BANP: variants seen among roughly 807,000 people sequenced by gnomAD.
BANP encodes protein BANP.
BANP carries 11 observed loss-of-function variants against 68.1 expected under a neutral mutation model. That is an observed-to-expected ratio of 0.16 (90% CI 0.10 to 0.27). The LOEUF (loss-of-function observed/expected upper bound fraction) is 0.27, where lower values mean the gene tolerates loss of function less well. BANP is among the 10% of genes least tolerant of loss of function. The pLI is 1.00. For synonymous variants in BANP, 329 were observed against 303.2 expected (o/e 1.09, Z -0.88); for missense variants, 504 against 722.7 (o/e 0.70, Z 3.47).
intron 6 of BANP, among the ~76,000 whole-genome samples, chr16:88,009,342 C>G (rs1342946872): frequency 6.6e-6 from 1 of 152,216 alleles, no homozygotes; most frequent in Non-Finnish European, 1.5e-5. Context: ...ATAGGAGCCG[C>G]AGGAGACAGA....
chr16:88,038,609 C>T (rs1171729945), intron 11 of BANP, among the ~76,000 whole-genome samples: 1 of 152,158 alleles, frequency 6.6e-6, no homozygotes, highest in East Asian at 1.9e-4. Context: ...ACAAACTTGC[C>T]AGCTTTCTAA....
chr16:88,068,607 CGGGTGCTGGCTGCCTCCTCCAGT>C (rs1251157723), intron 12 of BANP, among the ~76,000 whole-genome samples: 7 of 152,100 alleles, frequency 4.6e-5, no homozygotes, highest in Admixed American at 2.6e-4. Flanking sequence ...CCCACTGGTG[CGGGTGCTGGCTGCCTCCTCCAGT>C]GGGCGCCAGC....
In BANP at chr16:88,018,729, T is replaced by G; in HGVS notation, c.895+62T>G. ...GGGGAGCTGGGTCAGGACCCACATT[T>G]CAATGCTGAGGACGCTGGCATCAGT... On this transcript the variant is annotated intron_variant, in intron 7 of 13. Transcript: ENST00000682872. The surrounding 1 kb of genome is among the most constrained non-coding windows in gnomAD (Gnocchi z 7.7). The G allele has an allele frequency of 6.6e-7, 1 of 1,510,304 alleles. No individual in the cohort carries two copies. Among genetic ancestry groups the G allele is most frequent in the East Asian group, 2.5e-5 (1 of 40,410 alleles). The allele number at this position is 1,510,304 out of a possible 1,614,324, so 93.6% of individuals were successfully genotyped here.
intron 4 of BANP, among the ~76,000 whole-genome samples, chr16:87,998,748 C>T: frequency 6.7e-6 from 1 of 148,358 alleles, no homozygotes; most frequent in South Asian, 2.2e-4. Flanking sequence ...ACTTGCCTGT[C>T]TTTCCAGACA....
intron 9 of BANP, 179 bp from the exon 10 acceptor site, chr16:88,035,144 A>G (rs1038109878): frequency 3.2e-6 from 2 of 633,026 alleles, no homozygotes; most frequent in African/African-American, 1.9e-5. Flanking sequence ...GAGGGGGACT[A>G]CTGTGAACCA....
At chr16:88,076,130 C>G (rs1365932220) in intron 13 of BANP, among the ~76,000 whole-genome samples, 3 of 152,222 alleles carry the variant, frequency 2.0e-5, no homozygotes, top group African/African-American at 4.8e-5. Flanking sequence ...GAACCTGTAT[C>G]TTTGAGGGAA....
intron 12 of BANP, among the ~76,000 whole-genome samples, chr16:88,069,160 C>T (rs1307295632): frequency 4.6e-5 from 7 of 152,178 alleles, no homozygotes; most frequent in African/African-American, 7.2e-5. Flanking sequence ...TGCGGGACCT[C>T]GGGGCCTGTA....
At position 88,002,014 on chromosome 16, in the gene BANP, C is replaced by T. The variant is rs541414652; in HGVS notation, c.363-2281C>T. Among the ~76,000 whole-genome samples, 7 of 151,990 alleles carry T rather than the reference C, an allele frequency of 4.6e-5. No individual in the cohort carries two copies. Among genetic ancestry groups the T allele is most frequent in the Non-Finnish European group, 8.8e-5 (6 of 68,024 alleles). On this transcript the variant is annotated intron_variant, in intron 4 of 13. Transcript: ENST00000682872. This position sits in a 1 kb window ranked among gnomAD's most constrained non-coding sequence, Gnocchi z 4.6. ...GTTGAACAGAAGAACGTGAATATGT[C>T]ACCCACTTAGAACTAATTCTTGATA...
intron 6 of BANP, among the ~76,000 whole-genome samples, chr16:88,011,965 G>A (rs1274226139): frequency 6.6e-6 from 1 of 152,224 alleles, no homozygotes; most frequent in South Asian, 2.1e-4. Context: ...CAGAGTTGGC[G>A]TGTTTGGGAC....
intron 11 of BANP, among the ~76,000 whole-genome samples, chr16:88,050,573 A>G (rs73250888): frequency 0.02 from 3,008 of 152,344 alleles, 99 homozygotes; most frequent in African/African-American, 0.068. Flanking sequence ...CAGGAGTCTC[A>G]TCCAGACCTG....
chr16:87,980,747 C>G, intron 2 of BANP: 1 of 318,112 alleles, frequency 3.1e-6, no homozygotes, highest in Non-Finnish European at 5.8e-6. Context: ...TCAAACCAAA[C>G]AGGGCAGCCC....
chr16:88,076,810 T>C lies in BANP; in HGVS notation c.*149T>C, dbSNP rs2091697599. On this transcript the variant is annotated 3_prime_UTR_variant, in exon 14 of 14. Transcript: ENST00000682872. ...GCCGCTGCCTCCGCGGGGAACAGCA[T>C]CCTATCAACTGAAAGAGCAGCCGCC... is the stretch of plus-strand genomic sequence containing the variant. 2 of 652,204 alleles carry C rather than the reference T, an allele frequency of 3.1e-6. No individual in the cohort carries two copies. The highest frequency in any genetic ancestry group is 5.8e-5 in the East Asian group (2 of 34,704). The allele number at this position is 652,204 out of a possible 1,614,324, so 40.4% of individuals were successfully genotyped here. A position where few individuals can be genotyped will look rare whatever the true frequency, so the allele number is the denominator to read the frequency against.
chr16:88,038,814 TG>T (rs1296963537), intron 11 of BANP, among the ~76,000 whole-genome samples: 1 of 152,210 alleles, frequency 6.6e-6, no homozygotes, highest in Admixed American at 6.5e-5. Context: ...CTGTCACCTC[TG>T]GATCACTGAA....
intron 11 of BANP, among the ~76,000 whole-genome samples, chr16:88,053,456 T>A (rs1259887101): frequency 6.8e-6 from 1 of 147,964 alleles, no homozygotes; most frequent in Non-Finnish European, 1.5e-5. Context: ...ATCTCCATCA[T>A]CATCATCACC....
chr16:87,990,745 A>G (rs533306555), intron 4 of BANP, among the ~76,000 whole-genome samples: 1 of 152,268 alleles, frequency 6.6e-6, no homozygotes, highest in Admixed American at 6.5e-5. Context: ...TACCTTGCAC[A>G]GCTGCATACT....
intron 7 of BANP, among the ~76,000 whole-genome samples, chr16:88,022,707 G>A (rs1485985968): frequency 1.3e-5 from 2 of 152,184 alleles, no homozygotes; most frequent in Non-Finnish European, 2.9e-5. Context: ...CTGGGATGAA[G>A]GTGTGGGCAG....
intron 11 of BANP, among the ~76,000 whole-genome samples, chr16:88,040,025 C>T (rs1195818832): frequency 6.6e-6 from 1 of 152,206 alleles, no homozygotes; most frequent in Non-Finnish European, 1.5e-5. Flanking sequence ...AACTCTCATA[C>T]GCTCCTGATT....
At chr16:88,009,019 T>C (rs2072170470) in intron 6 of BANP, among the ~76,000 whole-genome samples, 1 of 152,242 alleles carries the variant, frequency 6.6e-6, no homozygotes, top group African/African-American at 2.4e-5. Context: ...CATAGTGGCT[T>C]GGTGAAAATG....
At chr16:88,029,422 A>G (rs370123078) in intron 8 of BANP, among the ~76,000 whole-genome samples, 2 of 151,774 alleles carry the variant, frequency 1.3e-5, no homozygotes, top group East Asian at 3.9e-4. Flanking sequence ...ATCCTGGCTA[A>G]CACGGTGAAA....
Sources: gnomAD v4.1 joint callset for allele counts (sites outside exome capture counted in the v4.1 genomes callset) on GRCh38, gnomAD v4.1.1 for gene constraint, Gnocchi (gnomAD v3.1) non-coding constraint, MANE v1.5 for transcripts, NCBI Gene and HGNC (gene_info 2026-07-23, HGNC 2026-07-21) for gene names.